CSMD1: variants seen among roughly 807,000 people sequenced by gnomAD.
The protein encoded by CSMD1 is CUB and sushi domain-containing protein 1.
A neutral mutation model predicts 417.5 loss-of-function variants in CSMD1; 213 were observed. That is an observed-to-expected ratio of 0.51 (90% CI 0.46 to 0.57). The LOEUF is 0.57. Ranked by LOEUF, CSMD1 falls within the 20% of genes least tolerant of loss-of-function variation. The pLI, the probability that CSMD1 is intolerant of heterozygous loss-of-function variation, is 0.00. For missense variants in CSMD1, 6,923 were observed against 4,529.7 expected (o/e 1.53, Z -15.17); for synonymous variants, 2,862 against 1,736.8 (o/e 1.65, Z -16.11).
At chr8:4,972,669 G>T (rs887093699) in intron 1 of CSMD1, among the ~76,000 whole-genome samples, 1 of 152,070 alleles carries the variant, frequency 6.6e-6, no homozygotes, top group African/African-American at 2.4e-5. Flanking sequence ...AAGACAAATC[G>T]TTGACTTTCC....
chr8:3,148,409 G>A (rs1430685696), intron 40 of CSMD1, among the ~76,000 whole-genome samples: 3 of 152,160 alleles, frequency 2.0e-5, no homozygotes, highest in Non-Finnish European at 4.4e-5. Flanking sequence ...AAAATGAGCT[G>A]TGCAGTGCTG....
At chr8:3,796,315 A>C (rs867828000) in intron 5 of CSMD1, among the ~76,000 whole-genome samples, 3 of 51,968 alleles carry the variant, frequency 5.8e-5, no homozygotes, top group African/African-American at 1.6e-4. Flanking sequence ...ATAGATATAG[A>C]TATCTATCAT....
In CSMD1 at chr8:4,214,101, A is replaced by G. The variant is rs980525190; in HGVS notation, c.416-182002T>C. Among the ~76,000 whole-genome samples the G allele has an allele frequency of 2.6e-5, 4 of 152,036 alleles. No homozygotes were observed. The East Asian group carries it at 7.7e-4, about 29-fold the overall frequency. On this transcript the variant is annotated intron_variant, in intron 3 of 69. Transcript: ENST00000635120. ...AATTATCCAGCATCTTACTCCCTCAATTTCATTCCAGTTTTTTTGTTTGTT... is the reference window on the plus strand; with the variant it reads ...AATTATCCAGCATCTTACTCCCTCAGTTTCATTCCAGTTTTTTTGTTTGTT...
intron 26 of CSMD1, among the ~76,000 whole-genome samples, chr8:3,240,233 G>C (rs914606019): frequency 2.6e-5 from 4 of 152,096 alleles, no homozygotes; most frequent in Non-Finnish European, 5.9e-5. Context: ...AAAAGGTTGG[G>C]ATGAGACAGG....
At chr8:2,964,084 ACCACT>A in intron 59 of CSMD1, among the ~76,000 whole-genome samples, 1 of 152,140 alleles carries the variant, frequency 6.6e-6, no homozygotes, top group Non-Finnish European at 1.5e-5. Context: ...AAATCCAAAA[ACCACT>A]GTCTAAAATC....
At chr8:4,785,348 G>A (rs1400946848) in intron 1 of CSMD1, among the ~76,000 whole-genome samples, 1 of 152,140 alleles carries the variant, frequency 6.6e-6, no homozygotes, top group Admixed American at 6.5e-5. Context: ...TTAGGCTGAT[G>A]GTGTGGAGGT....
At chr8:4,734,378 A>G (rs1810091302) in intron 1 of CSMD1, among the ~76,000 whole-genome samples, 1 of 152,148 alleles carries the variant, frequency 6.6e-6, no homozygotes, top group Non-Finnish European at 1.5e-5. Context: ...TGAGTGTTCT[A>G]TGCATGTTTG....
intron 36 of CSMD1, among the ~76,000 whole-genome samples, chr8:3,184,373 G>A (rs1821617538): frequency 6.6e-6 from 1 of 152,142 alleles, no homozygotes; most frequent in African/African-American, 2.4e-5. Context: ...AACCTTCCCT[G>A]ATTAGGACAC....
In CSMD1 at chr8:3,857,871, C is replaced by T. The variant is rs141947346; in HGVS notation, c.819-103829G>A. 4.0e-3 allele frequency among the ~76,000 whole-genome samples: 613 copies of T among 152,304 alleles called. 4 individuals carry two copies. The highest frequency in any genetic ancestry group is 8.4e-3 in the African/African-American group (348 of 41,566). ...GTTACCTTTGCTGAGTGAGAGATTA[C>T]GTGATATGTAACAGGGATTGCTTCC... On this transcript the variant is annotated intron_variant, in intron 5 of 69. Coordinates refer to ENST00000635120, the MANE Select transcript of CSMD1 (RefSeq NM_033225.6).
At chr8:3,614,673 G>C (rs1366637829) in intron 8 of CSMD1, among the ~76,000 whole-genome samples, 4 of 152,318 alleles carry the variant, frequency 2.6e-5, no homozygotes, top group East Asian at 1.9e-4. Flanking sequence ...ATTCACCAAA[G>C]AAGTTTCTAG....
intron 18 of CSMD1, among the ~76,000 whole-genome samples, chr8:3,372,432 T>A (rs1810018800): frequency 6.6e-6 from 1 of 152,094 alleles, no homozygotes; most frequent in East Asian, 1.9e-4. Flanking sequence ...GCCCTGCTCC[T>A]GAGGCTGTGC....
intron 3 of CSMD1, among the ~76,000 whole-genome samples, chr8:4,358,624 A>G (rs1399393898): frequency 6.6e-6 from 1 of 152,224 alleles, no homozygotes; most frequent in Middle Eastern, 3.2e-3. Flanking sequence ...GGGTATAACT[A>G]TATCATGCAA....
intron 1 of CSMD1, among the ~76,000 whole-genome samples, chr8:4,888,503 AT>A (rs1421852587): frequency 6.6e-6 from 1 of 151,504 alleles, no homozygotes; most frequent in Non-Finnish European, 1.5e-5. Context: ...AGACTGATAG[AT>A]GAGAGAGAGA....
chr8:3,520,138 T>C (rs988337568), intron 10 of CSMD1, among the ~76,000 whole-genome samples: 6 of 151,846 alleles, frequency 4.0e-5, no homozygotes, highest in Non-Finnish European at 7.4e-5. Context: ...ATAATTTATA[T>C]GAGAATTACT....
At chr8:4,797,625 A>G (rs1563416096) in intron 1 of CSMD1, among the ~76,000 whole-genome samples, 1 of 152,244 alleles carries the variant, frequency 6.6e-6, no homozygotes, top group African/African-American at 2.4e-5. Flanking sequence ...AGATTGAAAC[A>G]GTATAAAGCG....
intron 5 of CSMD1, among the ~76,000 whole-genome samples, chr8:3,924,060 G>C (rs1179210560): frequency 6.6e-6 from 1 of 152,144 alleles, no homozygotes; most frequent in East Asian, 1.9e-4. Context: ...TCCCTTTAGC[G>C]TTTCTTGCAG....
intron 26 of CSMD1, among the ~76,000 whole-genome samples, chr8:3,237,140 T>C (rs1297852130): frequency 6.6e-6 from 1 of 151,726 alleles, no homozygotes; most frequent in Non-Finnish European, 1.5e-5. Context: ...GCCAATCTTT[T>C]TGCAACTAGA....
chr8:3,912,062 T>C (rs1808498569), intron 5 of CSMD1, among the ~76,000 whole-genome samples: 1 of 152,202 alleles, frequency 6.6e-6, no homozygotes, highest in South Asian at 2.1e-4. Flanking sequence ...CCTTTTATAT[T>C]TGACTGAGTC....
At chr8:3,439,820 G>A (rs772532738) in intron 12 of CSMD1, among the ~76,000 whole-genome samples, 25 of 151,984 alleles carry the variant, frequency 1.6e-4, no homozygotes, top group Non-Finnish European at 2.6e-4. Flanking sequence ...TCCATTTTGA[G>A]TAGATTTTTG....
Sources: gnomAD v4.1 joint callset for allele counts (sites outside exome capture counted in the v4.1 genomes callset) on GRCh38, gnomAD v4.1.1 for gene constraint, MANE v1.5 for transcripts, NCBI Gene and HGNC (gene_info 2026-07-23, HGNC 2026-07-21) for gene names.